Variants in CTCF observed in about 807,000 individuals in gnomAD.
The protein encoded by CTCF is transcriptional repressor CTCF.
Under a neutral mutation model 72.3 loss-of-function variants are expected in CTCF, and 7 were observed. The observed-to-expected ratio is 0.10, with a 90% CI of 0.06 to 0.18. The LOEUF (loss-of-function observed/expected upper bound fraction) is 0.18, where lower values mean the gene tolerates loss of function less well. Ranked by LOEUF, CTCF falls within the 10% of genes least tolerant of loss-of-function variation. The probability of loss-of-function intolerance (pLI) is 1.00; values close to 1 mark genes in which losing one functional copy is unlikely to be tolerated. For synonymous variants in CTCF, 374 were observed against 315.8 expected, an observed-to-expected ratio of 1.18 and a Z score of -1.95; for missense variants, 516 against 949.1, an observed-to-expected ratio of 0.54 and a Z score of 6.00.
intron 2 of CTCF, among the ~76,000 whole-genome samples, chr16:67,587,918 C>T (rs1190821300): frequency 2.0e-5 from 3 of 152,040 alleles, no homozygotes; most frequent in African/African-American, 7.2e-5. Flanking sequence ...GATGCAGTGG[C>T]GTAATCTTGG....
chr16:67,632,492 T>C (rs560320814), intron 10 of CTCF, among the ~76,000 whole-genome samples: 1 of 152,362 alleles, frequency 6.6e-6, no homozygotes, highest in African/African-American at 2.4e-5. Flanking sequence ...TCCATGCCAC[T>C]GTTGGCCATG....
At position 67,626,628 on chromosome 16, in the gene CTCF, T is replaced by C. The variant is rs756310152; in HGVS notation, c.1431T>C (p.His477=). The change falls in exon 8 of 12, where the codon CAT becomes CAC. Residue 477 remains histidine (H), a synonymous_variant. Transcript: ENST00000264010. ...GCCGTTACTGTGATGCTGTGTTTCA[T>C]GAGCGCTATGCCCTCATCCAGCATC... ...KKCRYCDAVF[H]ERYALIQHQK... 7.6e-6 allele frequency: 12 copies of C among 1,579,930 alleles called. No homozygotes were observed. In the South Asian group the frequency reaches 1.3e-4, roughly 17 times the overall value.
At chr16:67,624,454 C>A (rs577236291) in intron 7 of CTCF, among the ~76,000 whole-genome samples, 71 of 152,226 alleles carry the variant, frequency 4.7e-4, no homozygotes, top group Non-Finnish European at 8.1e-4. Flanking sequence ...TGACAGTACC[C>A]TCTTCCTTTG....
At chr16:67,596,343 G>A (rs1472214271) in intron 2 of CTCF, among the ~76,000 whole-genome samples, 2 of 152,090 alleles carry the variant, frequency 1.3e-5, no homozygotes, top group Non-Finnish European at 2.9e-5. Context: ...CTATTAATGA[G>A]GTTTGGTTTT....
chr16:67,608,935 T>C (rs1338490710), intron 2 of CTCF, among the ~76,000 whole-genome samples: 1 of 152,074 alleles, frequency 6.6e-6, no homozygotes, highest in Non-Finnish European at 1.5e-5. Context: ...AGGACGGGGT[T>C]TCTCCATGTT....
intron 1 of CTCF, among the ~76,000 whole-genome samples, chr16:67,569,738 T>C (rs1371352046): frequency 2.6e-5 from 4 of 151,330 alleles, no homozygotes; most frequent in South Asian, 2.1e-4. Flanking sequence ...CAGGCTGGAG[T>C]GCAGTGGCGC....
chr16:67,584,811 C>T (rs1378006077), intron 2 of CTCF, among the ~76,000 whole-genome samples: 1 of 152,186 alleles, frequency 6.6e-6, no homozygotes, highest in Non-Finnish European at 1.5e-5. Flanking sequence ...CACCTAAGGT[C>T]ATGGATGTAG....
intron 7 of CTCF, among the ~76,000 whole-genome samples, chr16:67,625,388 CAG>C (rs572271500): frequency 6.5e-4 from 99 of 152,136 alleles, no homozygotes; most frequent in African/African-American, 2.1e-3. Flanking sequence ...TTAGTAGAGA[CAG>C]AGTTTTGCCA....
intron 2 of CTCF, among the ~76,000 whole-genome samples, chr16:67,593,574 T>G (rs549670680): frequency 2.0e-5 from 3 of 152,192 alleles, no homozygotes; most frequent in Admixed American, 6.6e-5. Context: ...GTCTGAGGGT[T>G]CGTATCAACC....
At position 67,562,541 on chromosome 16, in the gene CTCF, C is replaced by T. The variant is rs927630919; in HGVS notation, c.-310C>T. 2.0e-5 allele frequency: 3 copies of T among 151,924 alleles called. No individual in the cohort carries two copies. Among genetic ancestry groups the T allele is most frequent in the Non-Finnish European group, 4.4e-5 (3 of 67,996 alleles). 9.4% of individuals were successfully genotyped at this position (151,924 alleles called of 1,614,324 possible). ...CGGCAGCGCCGACGCAGGCGCACTGCACCGCGCCGCCGCCATTTTGTGTCT... is the reference window on the plus strand; with the variant it reads ...CGGCAGCGCCGACGCAGGCGCACTGTACCGCGCCGCCGCCATTTTGTGTCT... On this transcript the variant is annotated 5_prime_UTR_variant, in exon 1 of 12. Coordinates refer to ENST00000264010, the MANE Select transcript of CTCF (RefSeq NM_006565.4).
chr16:67,564,110 A>G lies in CTCF; in HGVS notation c.-127+1386A>G, dbSNP rs185953357. On this transcript the variant is annotated intron_variant, in intron 1 of 11. Coordinates refer to ENST00000264010, the MANE Select transcript of CTCF (RefSeq NM_006565.4). Reference sequence around the variant, plus strand: ...ACTTTGAGTTTCGATCAACTAGGAAAGTTAAAAACCAAGTCCTCATAGGTG... The same window carrying G: ...ACTTTGAGTTTCGATCAACTAGGAAGGTTAAAAACCAAGTCCTCATAGGTG... Among the ~76,000 whole-genome samples, 479 of 152,356 alleles carry G rather than the reference A, an allele frequency of 3.1e-3. 2 individuals are homozygous for G. The highest frequency in any genetic ancestry group is 5.6e-3 in the Non-Finnish European group (378 of 68,036).
chr16:67,563,419 G>C (rs2051304439), intron 1 of CTCF: 2 of 152,230 alleles, frequency 1.3e-5, no homozygotes, highest in South Asian at 4.1e-4. Flanking sequence ...GCTGCGAGCA[G>C]AGGGACCCCA....
chr16:67,587,992 G>A (rs905656368), intron 2 of CTCF, among the ~76,000 whole-genome samples: 12 of 151,902 alleles, frequency 7.9e-5, no homozygotes, highest in African/African-American at 2.7e-4. Flanking sequence ...TGAGTAGCTG[G>A]GATTTCAGGC....
Position 67,611,304 on chromosome 16 carries a change from C to T in CTCF, c.472C>T (p.Leu158=). ...AAGTGAACCCATGATATGCCACACC[C>T]TACCTTTGCCTGAAGGGTTTCAGGT... The part of the protein sequence containing the change: ...AESEPMICHT[L]PLPEGFQVVK... The change falls in exon 3 of 12, where the codon CTA becomes TTA. Residue 158 remains leucine (L), a synonymous_variant. Coordinates refer to ENST00000264010, the MANE Select transcript of CTCF (RefSeq NM_006565.4). The T allele has an allele frequency of 6.2e-7, 1 of 1,614,110 alleles. No individual in the cohort carries two copies. Among genetic ancestry groups the T allele is most frequent in the Non-Finnish European group, 8.5e-7 (1 of 1,180,016 alleles).
intron 2 of CTCF, among the ~76,000 whole-genome samples, chr16:67,586,535 CAAA>C (rs1213215957): frequency 9.9e-6 from 1 of 100,666 alleles, no homozygotes; most frequent in Admixed American, 1.2e-4. Flanking sequence ...GACTCCGTCT[CAAA>C]AAAAAAAAAA....
intron 10 of CTCF, among the ~76,000 whole-genome samples, chr16:67,631,164 TG>T (rs199699287): frequency 0.025 from 3,220 of 128,912 alleles, 317 homozygotes; most frequent in African/African-American, 0.094. Flanking sequence ...GTTTTTTTTT[TG>T]TTTTTTGTTT....
intron 9 of CTCF, 152 bp from the exon 10 acceptor site, chr16:67,629,246 C>T (rs2052331104): frequency 4.5e-6 from 3 of 659,860 alleles, no homozygotes; most frequent in South Asian, 4.5e-5. Context: ...CCAGCCTTAT[C>T]CATTTCCCCT....
intron 2 of CTCF, among the ~76,000 whole-genome samples, chr16:67,589,970 C>G (rs1262286523): frequency 1.3e-5 from 2 of 152,126 alleles, no homozygotes; most frequent in Non-Finnish European, 2.9e-5. Flanking sequence ...ATTTGTAGTC[C>G]CAGCTACTCA....
chr16:67,571,725 T>A (rs2051423071), intron 2 of CTCF, among the ~76,000 whole-genome samples: 1 of 152,220 alleles, frequency 6.6e-6, no homozygotes, highest in Non-Finnish European at 1.5e-5. Context: ...GATGGAATCC[T>A]GTTCTTGGGG....
Sources: gnomAD v4.1 joint callset for allele counts (sites outside exome capture counted in the v4.1 genomes callset) on GRCh38, gnomAD v4.1.1 for gene constraint, MANE v1.5 for transcripts, NCBI Gene and HGNC (gene_info 2026-07-23, HGNC 2026-07-21) for gene names.